CAMTA1: variants seen among roughly 807,000 people sequenced by gnomAD.
The protein encoded by CAMTA1 is calmodulin-binding transcription activator 1.
In CAMTA1, 27 loss-of-function variants were observed where a neutral mutation model predicts 170.9. The ratio of observed to expected loss-of-function variants is 0.16; its 90% CI spans 0.12 to 0.22. CAMTA1 has a LOEUF of 0.22. Among genes scored for constraint, CAMTA1 ranks in the 10% least tolerant of loss-of-function variants. The pLI is 1.00. For synonymous variants in CAMTA1, 833 were observed against 891.5 expected (o/e 0.93, Z 1.17); for missense variants, 1,619 against 2,217.2 (o/e 0.73, Z 5.42).
intron 3 of CAMTA1, among the ~76,000 whole-genome samples, chr1:6,989,492 G>T (rs944625823): frequency 1.3e-5 from 2 of 152,234 alleles, no homozygotes; most frequent in Non-Finnish European, 2.9e-5. Context: ...AAGATTTACA[G>T]TGTGGAGGCT....
intron 5 of CAMTA1, among the ~76,000 whole-genome samples, chr1:7,294,151 C>T (rs1286451652): frequency 6.6e-6 from 1 of 152,126 alleles, no homozygotes; most frequent in Non-Finnish European, 1.5e-5. Flanking sequence ...CAAGCTGGGG[C>T]AGGGAGAGGC....
intron 11 of CAMTA1, among the ~76,000 whole-genome samples, chr1:7,686,296 C>T (rs993776514): frequency 1.2e-4 from 18 of 152,132 alleles, no homozygotes; most frequent in African/African-American, 4.1e-4. Flanking sequence ...GGAGAGGGTA[C>T]CAGGGCGGCT....
intron 5 of CAMTA1, among the ~76,000 whole-genome samples, chr1:7,457,326 G>A (rs1223542083): frequency 6.6e-6 from 1 of 151,380 alleles, no homozygotes; most frequent in Admixed American, 6.6e-5. Flanking sequence ...AATTTTTATT[G>A]CCCTCCTCAC....
At chr1:7,623,750 G>A (rs34023500) in intron 6 of CAMTA1, among the ~76,000 whole-genome samples, 26,192 of 152,136 alleles carry the variant, frequency 0.17, 2,680 homozygotes, top group African/African-American at 0.27. Flanking sequence ...CGCCCGCCTC[G>A]GCCTCCCGAG....
chr1:6,933,206 C>G (rs967408091), intron 3 of CAMTA1, among the ~76,000 whole-genome samples: 2 of 152,124 alleles, frequency 1.3e-5, no homozygotes, highest in African/African-American at 4.8e-5. Flanking sequence ...ACTACAGGTG[C>G]ATGCCATTGT....
intron 3 of CAMTA1, among the ~76,000 whole-genome samples, chr1:6,899,552 G>GCA (rs916090781): frequency 0.034 from 3,547 of 104,636 alleles, 53 homozygotes; most frequent in Non-Finnish European, 0.039. Context: ...GCACGCGCGC[G>GCA]CGCACACACA....
chr1:7,394,622 T>A (rs961653794), intron 5 of CAMTA1, among the ~76,000 whole-genome samples: 3 of 152,108 alleles, frequency 2.0e-5, no homozygotes, highest in Non-Finnish European at 4.4e-5. Flanking sequence ...TTGCAAATAT[T>A]TTCTCCTATT....
intron 4 of CAMTA1, among the ~76,000 whole-genome samples, chr1:7,176,001 C>A (rs961194196): frequency 6.6e-6 from 1 of 152,202 alleles, no homozygotes; most frequent in Non-Finnish European, 1.5e-5. Flanking sequence ...GCAGCTCCCC[C>A]CAGGGAGGGC....
intron 3 of CAMTA1, among the ~76,000 whole-genome samples, chr1:6,960,408 T>G (rs943248875): frequency 2.6e-5 from 4 of 151,952 alleles, no homozygotes; most frequent in Non-Finnish European, 5.9e-5. Flanking sequence ...AGGGAGTCAT[T>G]GGGAAGGCAG....
Position 6,971,513 on chromosome 1 carries a change from T to C in CAMTA1, c.235-119791T>C, listed in dbSNP as rs987833818. On this transcript the variant is annotated intron_variant, in intron 3 of 22. Transcript: ENST00000303635. This position sits in a 1 kb window ranked among gnomAD's most constrained non-coding sequence, Gnocchi z 4.6. ...TTACCACCCCCACCCTCACTACTAA[T>C]TTTACGTTGTCTTTGGAGTTGCTCA... Among the ~76,000 whole-genome samples, 3 of 152,094 alleles carry C rather than the reference T, an allele frequency of 2.0e-5. No individual in the cohort carries two copies. The highest frequency in any genetic ancestry group is 4.1e-4 in the South Asian group (2 of 4,834).
At chr1:7,410,450 G>A (rs763939678) in intron 5 of CAMTA1, among the ~76,000 whole-genome samples, 4 of 152,378 alleles carry the variant, frequency 2.6e-5, no homozygotes, top group Non-Finnish European at 5.9e-5. Context: ...GACACGTGGA[G>A]CCCATCTGAT....
chr1:7,599,310 G>T (rs1036702978), intron 6 of CAMTA1, among the ~76,000 whole-genome samples: 2 of 152,154 alleles, frequency 1.3e-5, no homozygotes, highest in Admixed American at 1.3e-4. Flanking sequence ...TCTCTGTTTT[G>T]GTACCAGTAC....
At chr1:7,131,633 C>T (rs1292610463) in intron 4 of CAMTA1, among the ~76,000 whole-genome samples, 1 of 151,590 alleles carries the variant, frequency 6.6e-6, no homozygotes, top group African/African-American at 2.4e-5. Context: ...AAAACCAATT[C>T]ACCATGTATG....
At chr1:6,989,900 G>C (rs1170928952) in intron 3 of CAMTA1, among the ~76,000 whole-genome samples, 6 of 152,156 alleles carry the variant, frequency 3.9e-5, no homozygotes, top group African/African-American at 1.2e-4. Flanking sequence ...GAGGAATAGA[G>C]GGAAAGGGAG....
chr1:6,797,493 C>T (rs1416350674), intron 1 of CAMTA1, among the ~76,000 whole-genome samples: 1 of 151,522 alleles, frequency 6.6e-6, no homozygotes, highest in Non-Finnish European at 1.5e-5. Context: ...TCAAGCAATT[C>T]TCCCACCTCA....
chr1:7,500,195 C>G (rs1237461963), intron 6 of CAMTA1, among the ~76,000 whole-genome samples: 1 of 131,186 alleles, frequency 7.6e-6, no homozygotes, highest in Non-Finnish European at 1.6e-5. Flanking sequence ...ATGGTGTGAG[C>G]CTGGTGTGCG....
intron 4 of CAMTA1, among the ~76,000 whole-genome samples, chr1:7,194,127 GC>G (rs1475751625): frequency 3.3e-5 from 5 of 152,108 alleles, no homozygotes; most frequent in African/African-American, 1.2e-4. Flanking sequence ...ACTATTTTTG[GC>G]CCATGACATG....
rs776959805 is a variant in CAMTA1 at position 7,248,024 on chromosome 1, C to T, written c.303-1467C>T. Among the ~76,000 whole-genome samples the T allele has an allele frequency of 1.3e-5, 2 of 152,120 alleles. No individual in the cohort carries two copies. Among genetic ancestry groups the T allele is most frequent in the African/African-American group, 2.4e-5 (1 of 41,428 alleles). ...CCCTGATCGGGAAACAATGAAGTATCGGGAGTCGCTGTTGAAAGTCTGTAA... is the reference window on the plus strand; with the variant it reads ...CCCTGATCGGGAAACAATGAAGTATTGGGAGTCGCTGTTGAAAGTCTGTAA... On this transcript the variant is annotated intron_variant, in intron 4 of 22. Transcript: ENST00000303635. The surrounding 1 kb of genome is among the most constrained non-coding windows in gnomAD (Gnocchi z 4.0).
rs577762337 is a variant in CAMTA1, at chr1:6,989,387, C to A, written c.235-101917C>A. 9.8e-5 allele frequency among the ~76,000 whole-genome samples: 15 copies of A among 152,286 alleles called. No individual in the cohort carries two copies. The South Asian group carries it at 3.1e-3, about 32-fold the overall frequency. On this transcript the variant is annotated intron_variant, in intron 3 of 22. Transcript: ENST00000303635. The stretch of plus-strand genomic sequence containing the variant: ...TTACATGCGCTCTGCCAGAGAGAGC[C>A]GTGGCCGCTCTCTTGTCATGTCAGC...
Sources: allele counts gnomAD v4.1 joint callset (sites outside exome capture counted in the v4.1 genomes callset), GRCh38; gene constraint gnomAD v4.1.1; non-coding constraint Gnocchi (gnomAD v3.1); transcripts MANE v1.5; gene names NCBI Gene and HGNC (gene_info 2026-07-23, HGNC 2026-07-21).